The following VSIG10L2 variants were observed in gnomAD, a reference collection of about 807,000 sequenced individuals.
VSIG10L2 encodes the protein V-set and immunoglobulin domain-containing protein 10-like 2.
A neutral mutation model predicts 67.1 loss-of-function variants in VSIG10L2; 56 were observed. The observed-to-expected ratio is 0.83, with a 90% confidence interval of 0.67 to 1.04. The LOEUF (loss-of-function observed/expected upper bound fraction) is 1.04, where lower values mean the gene tolerates loss of function less well. VSIG10L2 is among the 50% of genes least tolerant of loss of function. VSIG10L2 has a pLI of 0.00. For missense variants in VSIG10L2, 843 were observed against 932.8 expected, an observed-to-expected ratio of 0.90 and a Z score of 1.25; for synonymous variants, 360 against 396.6, an observed-to-expected ratio of 0.91 and a Z score of 1.10.
Position 125,951,872 on chromosome 11 carries a change from A to C in VSIG10L2, c.1294A>C (p.Met432Leu). ...STATMGDQFIMLSCEWPGGEP... is the reference protein window; with the variant it reads ...STATMGDQFILLSCEWPGGEP... ...AGCCACAATGGGGGACCAGTTCATC[A>C]TGCTGAGCTGCGAGTGGCCTGGCGG... Residue 432 changes from methionine (M) to leucine (L), a missense_variant, in exon 6 of 12, where the codon ATG becomes CTG. Transcript: ENST00000686984. The C allele has an allele frequency of 6.5e-7, 1 of 1,533,800 alleles. No individual in the cohort carries two copies. The highest frequency in any genetic ancestry group is 8.7e-7 in the Non-Finnish European group (1 of 1,145,522).
chr11:125,953,483 G>A lies in VSIG10L2; in HGVS notation c.1579G>A (p.Gly527Ser). ...EAWLECSLRGGTPPAQLLWLG... is the reference protein window; with the variant it reads ...EAWLECSLRGSTPPAQLLWLG... ...CTGGCTGGAGTGCTCTCTCCGCGGG[G>A]GCACACCACCTGCCCAGCTCCTCTG... is the stretch of plus-strand genomic sequence containing the variant. The change falls in exon 7 of 12, where the codon GGC becomes AGC. Residue 527 changes from glycine (G) to serine (S), a missense_variant. Around this residue, in one of 2 missense-constraint regions of VSIG10L2, gnomAD observed 397 missense variants for 384.4 expected, o/e 1.03. Coordinates refer to ENST00000686984, the MANE Select transcript of VSIG10L2 (RefSeq NM_001365077.2). The A allele has an allele frequency of 1.6e-6, 2 of 1,232,312 alleles. No individual in the cohort carries two copies. Among genetic ancestry groups the A allele is most frequent in the Non-Finnish European group, 2.0e-6 (2 of 988,130 alleles). 76.3% of individuals were successfully genotyped at this position (1,232,312 alleles called of 1,614,324 possible). A position where few individuals can be genotyped will look rare whatever the true frequency, so the allele number is the denominator to read the frequency against.
rs543888634 is a variant in VSIG10L2, at chr11:125,946,501, A to C, written c.82+364A>C. ...GGCATCTTGGGCCAAAGCAATGTCCATGGGGTTGGAAGAAATTGGTTTCTG... is the reference window on the plus strand; with the variant it reads ...GGCATCTTGGGCCAAAGCAATGTCCCTGGGGTTGGAAGAAATTGGTTTCTG... On this transcript the variant is annotated intron_variant, in intron 1 of 11. Coordinates refer to ENST00000686984, the MANE Select transcript of VSIG10L2 (RefSeq NM_001365077.2). This position sits in a 1 kb window ranked among gnomAD's most constrained non-coding sequence, Gnocchi z 4.4. 1.3e-5 allele frequency among the ~76,000 whole-genome samples: 2 copies of C among 151,822 alleles called. No individual in the cohort carries two copies. The highest frequency in any genetic ancestry group is 4.2e-4 in the South Asian group (2 of 4,802).
Position 125,954,309 on chromosome 11 carries a change from G to A in VSIG10L2, c.2009G>A (p.Gly670Glu). The change falls in exon 8 of 12, where the codon GGG becomes GAG. Residue 670 changes from glycine (G) to glutamate (E), a missense_variant. Around this residue, in one of 2 missense-constraint regions of VSIG10L2, gnomAD observed 397 missense variants for 384.4 expected, o/e 1.03. Coordinates refer to ENST00000686984, the MANE Select transcript of VSIG10L2 (RefSeq NM_001365077.2). ...CGGCGGCTGGGGGGCTTGGACCCCGGGGTCCTTTATGCCTTCCGCATCCTG... is the reference window on the plus strand; with the variant it reads ...CGGCGGCTGGGGGGCTTGGACCCCGAGGTCCTTTATGCCTTCCGCATCCTG... ...RGRRLGGLDP[G>E]VLYAFRILAL... 1 of 1,232,048 alleles carries A rather than the reference G, an allele frequency of 8.1e-7. No homozygotes were observed. Among genetic ancestry groups the A allele is most frequent in the Non-Finnish European group, 1.0e-6 (1 of 988,002 alleles). 76.3% of individuals were successfully genotyped at this position (1,232,048 alleles called of 1,614,324 possible). A position where few individuals can be genotyped will look rare whatever the true frequency, so the allele number is the denominator to read the frequency against.
At position 125,954,261 on chromosome 11, in the gene VSIG10L2, A is replaced by G; in HGVS notation, c.1961A>G (p.Asp654Gly). 8.1e-7 allele frequency: 1 copy of G among 1,232,182 alleles called. No individual in the cohort carries two copies. The highest frequency in any genetic ancestry group is 1.0e-6 in the Non-Finnish European group (1 of 988,030). 76.3% of individuals were successfully genotyped at this position (1,232,182 alleles called of 1,614,324 possible). Residue 654 changes from aspartate (D) to glycine (G), a missense_variant, in exon 8 of 12, where the codon GAC becomes GGC. Asp to Gly is a moderately conservative substitution (Grantham distance 94, BLOSUM62 -1). Transcript: ENST00000686984. ...GGGGCGTGGGAGACAGCAGCTAGTG[A>G]CATCGAGCCAGAGAGCCGAGGACGG... is the stretch of plus-strand genomic sequence containing the variant. Reference protein sequence around the residue: ...GAGAWETAASDIEPESRGRRL... With the variant: ...GAGAWETAASGIEPESRGRRL...
At position 125,950,104 on chromosome 11, in the gene VSIG10L2, G is replaced by A. The variant is rs1945346230; in HGVS notation, c.800G>A (p.Ser267Asn). ...WASEREEVTL[S>N]CLAASNPPSH... is the part of the protein sequence containing the mutation. Reference sequence around the variant, plus strand: ...AGTGAGAGGGAAGAGGTGACCCTGAGCTGTCTGGCTGCCTCCAACCCACCT... The same window carrying A: ...AGTGAGAGGGAAGAGGTGACCCTGAACTGTCTGGCTGCCTCCAACCCACCT... Residue 267 changes from serine to asparagine, a missense_variant, in exon 4 of 12, where the codon AGC becomes AAC. Ser to Asn is a conservative substitution (Grantham distance 46, BLOSUM62 1). This residue lies in a region of VSIG10L2 where 446 missense variants were observed against 548.4 expected (regional missense o/e 0.81). Transcript: ENST00000686984. The A allele has an allele frequency of 3.2e-6, 4 of 1,232,336 alleles. No individual in the cohort carries two copies. The highest frequency in any genetic ancestry group is 1.6e-5 in the African/African-American group (1 of 64,436). The allele number at this position is 1,232,336 out of a possible 1,614,324, so 76.3% of individuals were successfully genotyped here. A position where few individuals can be genotyped will look rare whatever the true frequency, so the allele number is the denominator to read the frequency against.
chr11:125,948,278 C>A, intron 2 of VSIG10L2, 27 bp from the exon 3 acceptor site: 1 of 1,232,354 alleles, frequency 8.1e-7, no homozygotes, highest in Non-Finnish European at 1.0e-6. Context: ...TGTAATAACA[C>A]AGCGGGCCTC....
intron 5 of VSIG10L2, 65 bp from the exon 6 acceptor site, chr11:125,951,748 A>G (rs1945375119): frequency 1.4e-6 from 2 of 1,410,626 alleles, no homozygotes; most frequent in Non-Finnish European, 1.9e-6. Flanking sequence ...AGGAAGGGGG[A>G]TAGGGTGGAA....
At chr11:125,950,560 T>C (rs1945354462) in intron 4 of VSIG10L2, among the ~76,000 whole-genome samples, 3 of 152,126 alleles carry the variant, frequency 2.0e-5, no homozygotes, top group Admixed American at 2.0e-4. Context: ...CCCATGGCCC[T>C]GCGGACTGAA....
At position 125,950,939 on chromosome 11, in the gene VSIG10L2, G is replaced by C. The variant is rs1945359395; in HGVS notation, c.1015G>C (p.Val339Leu). 8.1e-7 allele frequency: 1 copy of C among 1,232,494 alleles called. No individual in the cohort carries two copies. The highest frequency in any genetic ancestry group is 1.5e-5 in the African/African-American group (1 of 64,538). 76.3% of individuals were successfully genotyped at this position (1,232,494 alleles called of 1,614,324 possible). The change falls in exon 5 of 12, where the codon GTG becomes CTG. Residue 339 changes from valine to leucine, a missense_variant. Val to Leu is a conservative substitution (Grantham distance 32). Transcript: ENST00000686984. Reference sequence around the variant, plus strand: ...CCCTGAGGGACAGCCCTCCTGTGCAGTGCATCCCAGCCCTGAGGCTGTGAC... The same window carrying C: ...CCCTGAGGGACAGCCCTCCTGTGCACTGCATCCCAGCCCTGAGGCTGTGAC... ...YPPEGQPSCA[V>L]HPSPEAVTLL...
intron 5 of VSIG10L2, 121 bp downstream of exon 5, chr11:125,951,279 G>A (rs1386533356): frequency 3.1e-6 from 3 of 970,004 alleles, no homozygotes; most frequent in Admixed American, 4.3e-5. Context: ...TCCAAAACAC[G>A]CCATGTAACA....
rs1022779690 is a variant in VSIG10L2, at chr11:125,950,190, G to A, written c.886G>A (p.Ala296Thr). The change falls in exon 4 of 12, where the codon GCC becomes ACC. Residue 296 changes from alanine to threonine, a missense_variant. Coordinates refer to ENST00000686984, the MANE Select transcript of VSIG10L2 (RefSeq NM_001365077.2). ...CCACACGGGGCCTACCTATGTCATC[G>A]CCAGAGCTGGCCGTGTCCACACAGG... ...QVHTGPTYVI[A>T]RAGRVHTGLY... 1.2e-5 allele frequency: 15 copies of A among 1,232,200 alleles called. No individual in the cohort carries two copies. The highest frequency in any genetic ancestry group is 3.1e-5 in the African/African-American group (2 of 64,408). The allele number at this position is 1,232,200 out of a possible 1,614,324, so 76.3% of individuals were successfully genotyped here. A position where few individuals can be genotyped will look rare whatever the true frequency, so the allele number is the denominator to read the frequency against.
Position 125,954,241 on chromosome 11 carries a change from G to A in VSIG10L2, c.1941G>A (p.Ala647=), listed in dbSNP as rs1045573026. The A allele has an allele frequency of 4.1e-6, 5 of 1,232,224 alleles. No individual in the cohort carries two copies. The highest frequency in any genetic ancestry group is 4.2e-5 in the Admixed American group (1 of 23,728). The allele number at this position is 1,232,224 out of a possible 1,614,324, so 76.3% of individuals were successfully genotyped here. The change falls in exon 8 of 12, where the codon GCG becomes GCA. Residue 647 remains alanine (A), a synonymous_variant. Transcript: ENST00000686984. The part of the protein sequence containing the change: ...KASALGPGAG[A]WETAASDIEP... ...GTGCCCTGGGCCCAGGAGCTGGGGC[G>A]TGGGAGACAGCAGCTAGTGACATCG...
chr11:125,953,384 C>A lies in VSIG10L2; in HGVS notation c.1496-16C>A. The A allele has an allele frequency of 8.1e-7, 1 of 1,232,452 alleles. No homozygotes were observed. Among genetic ancestry groups the A allele is most frequent in the South Asian group, 4.1e-5 (1 of 24,320 alleles). The allele number at this position is 1,232,452 out of a possible 1,614,324, so 76.3% of individuals were successfully genotyped here. A position where few individuals can be genotyped will look rare whatever the true frequency, so the allele number is the denominator to read the frequency against. ...AGCCCTCCCACTAGCCGGCCTCATCCTCTCTGTCCCCGCAGAAGCCCCACA... is the reference window on the plus strand; with the variant it reads ...AGCCCTCCCACTAGCCGGCCTCATCATCTCTGTCCCCGCAGAAGCCCCACA... On this transcript the variant is annotated splice_polypyrimidine_tract_variant and intron_variant, in intron 6 of 11. Transcript: ENST00000686984.
rs536965728 is a variant in VSIG10L2, at chr11:125,950,285, C to G, written c.981C>G (p.Ile327Met). ...TRTQTTVQLT[I>M]YYPPEGQPSC... ...CCCAGACTACTGTCCAGCTCACCAT[C>G]TACTGTGAGTGTGGGGGTCGGGTGA... Residue 327 changes from isoleucine (I) to methionine (M), a missense_variant, in exon 4 of 12, where the codon ATC becomes ATG. Physicochemically the swap from Ile to Met is conservative, Grantham distance 10. Around this residue, in one of 2 missense-constraint regions of VSIG10L2, gnomAD observed 446 missense variants for 548.4 expected, o/e 0.81. Transcript: ENST00000686984. 1 of 1,232,420 alleles carries G rather than the reference C, an allele frequency of 8.1e-7. No homozygotes were observed. The highest frequency in any genetic ancestry group is 3.2e-5 in the East Asian group (1 of 31,712). 76.3% of individuals were successfully genotyped at this position (1,232,420 alleles called of 1,614,324 possible).
Position 125,954,310 on chromosome 11 carries a change from G to C in VSIG10L2, c.2010G>C (p.Gly670=). Residue 670 remains glycine (G), a synonymous_variant, in exon 8 of 12, where the codon GGG becomes GGC. Transcript: ENST00000686984. ...RGRRLGGLDP[G]VLYAFRILAL... ...GGCGGCTGGGGGGCTTGGACCCCGG[G>C]GTCCTTTATGCCTTCCGCATCCTGG... 4 of 1,232,044 alleles carry C rather than the reference G, an allele frequency of 3.2e-6. No homozygotes were observed. Among genetic ancestry groups the C allele is most frequent in the Admixed American group, 4.2e-5 (1 of 23,702 alleles). The allele number at this position is 1,232,044 out of a possible 1,614,324, so 76.3% of individuals were successfully genotyped here. A position where few individuals can be genotyped will look rare whatever the true frequency, so the allele number is the denominator to read the frequency against.
chr11:125,953,100 T>C (rs1945399681), intron 6 of VSIG10L2, among the ~76,000 whole-genome samples: 1 of 151,960 alleles, frequency 6.6e-6, no homozygotes, highest in Non-Finnish European at 1.5e-5. Context: ...GAAGGGGCCG[T>C]TCATGCAGAG....
chr11:125,955,619 C>A lies in VSIG10L2; in HGVS notation c.2236C>A (p.Gln746Lys). The A allele has an allele frequency of 6.5e-7, 1 of 1,529,904 alleles. No homozygotes were observed. The highest frequency in any genetic ancestry group is 8.7e-7 in the Non-Finnish European group (1 of 1,143,694). 94.8% of individuals were successfully genotyped at this position (1,529,904 alleles called of 1,614,324 possible). ...RLGQLLVPTE[Q>K]RHQQRGSRED... Reference sequence around the variant, plus strand: ...ACTCTCCCACTTCACTCTCAGGGAGCAAAGGCACCAACAGAGGGGTTCCAG... The same window carrying A: ...ACTCTCCCACTTCACTCTCAGGGAGAAAAGGCACCAACAGAGGGGTTCCAG... Residue 746 changes from glutamine to lysine, a missense_variant, in exon 11 of 12, where the codon CAA becomes AAA. Coordinates refer to ENST00000686984, the MANE Select transcript of VSIG10L2 (RefSeq NM_001365077.2).
intron 3 of VSIG10L2, among the ~76,000 whole-genome samples, 162 bp downstream of exon 3, chr11:125,948,742 C>T (rs1051991759): frequency 5.9e-5 from 9 of 152,284 alleles, no homozygotes; most frequent in Non-Finnish European, 1.3e-4. Context: ...CGTGCCCCTG[C>T]TGCCCACTGC....
chr11:125,951,622 A>G (rs1417763478), intron 5 of VSIG10L2, among the ~76,000 whole-genome samples, 191 bp from the exon 6 acceptor site: 1 of 152,214 alleles, frequency 6.6e-6, no homozygotes, highest in African/African-American at 2.4e-5. Context: ...TCAAATCATA[A>G]TAATTGTTTA....
Sources: gnomAD v4.1 joint callset for allele counts (sites outside exome capture counted in the v4.1 genomes callset) on GRCh38, gnomAD v4.1.1 for gene constraint, gnomAD v4.1.1 regional missense constraint, Gnocchi (gnomAD v3.1) non-coding constraint, MANE v1.5 for transcripts, NCBI Gene and HGNC (gene_info 2026-07-23, HGNC 2026-07-21) for gene names.